The following SANBR variants were observed in gnomAD, a reference collection of about 807,000 sequenced individuals.
SANBR encodes the protein SANT and BTB domain regulator of CSR, also known as SANT and BTB domain regulator of class switch recombination.
A neutral mutation model predicts 101.8 loss-of-function variants in SANBR; 77 were observed. The observed-to-expected ratio is 0.76, with a 90% CI of 0.63 to 0.91. SANBR has a LOEUF of 0.91. Among genes scored for constraint, SANBR ranks in the 40% least tolerant of loss-of-function variants. The pLI, the probability that SANBR is intolerant of heterozygous loss-of-function variation, is 0.00. For missense variants in SANBR, 875 were observed against 853.0 expected (o/e 1.03, Z -0.32); for synonymous variants, 279 against 274.7 (o/e 1.02, Z -0.15).
chr2:61,081,261 T>C (rs1009055936), intron 6 of SANBR, among the ~76,000 whole-genome samples, 191 bp from the exon 7 acceptor site: 1 of 152,136 alleles, frequency 6.6e-6, no homozygotes, highest in Non-Finnish European at 1.5e-5. Flanking sequence ...AAATTTATTG[T>C]ACATTTTCTC....
rs1682560224 is a variant in SANBR at position 61,088,377 on chromosome 2, C to A, written c.997C>A (p.Leu333Ile). Residue 333 changes from leucine to isoleucine, a missense_variant, in exon 10 of 22, where the codon CTT (leucine) becomes ATT (isoleucine). Coordinates refer to ENST00000402291, the MANE Select transcript of SANBR (RefSeq NM_001129993.3). Reference sequence around the variant, plus strand: ...TTATAGATGCTGTTTGTGTAAGAAACTTTTAACAAAAGAAACAGAAAGAAG... The same window carrying A: ...TTATAGATGCTGTTTGTGTAAGAAAATTTTAACAAAAGAAACAGAAAGAAG... ...TLYRCCLCKK[L>I]LTKETERRIP... is the part of the protein sequence containing the mutation. The A allele has an allele frequency of 6.3e-7, 1 of 1,594,812 alleles. No homozygotes were observed. Among genetic ancestry groups the A allele is most frequent in the Non-Finnish European group, 8.5e-7 (1 of 1,172,160 alleles).
exon 21 of SANBR, chr2:61,134,224 C>T (rs1280060737): frequency 1.2e-6 from 2 of 1,602,894 alleles, no homozygotes; most frequent in South Asian, 2.2e-5. Flanking sequence ...GACAGTGTTG[C>T]TGTGTTAAAC....
Position 61,118,126 on chromosome 2 carries a change from G to A in SANBR, c.2028+10G>A, listed in dbSNP as rs368550014. The A allele has an allele frequency of 1.3e-6, 2 of 1,571,330 alleles. No homozygotes were observed. Among genetic ancestry groups the A allele is most frequent in the Non-Finnish European group, 1.7e-6 (2 of 1,143,190 alleles). The stretch of plus-strand genomic sequence containing the variant: ...AAAGGAAGCAAAAGAAGTAAGAATT[G>A]TGTACTAGTGTATTGTACTTGTGTA... On this transcript the variant is annotated intron_variant, in intron 20 of 21. Coordinates refer to ENST00000402291, the MANE Select transcript of SANBR (RefSeq NM_001129993.3).
At chr2:61,082,500 G>A (rs1251272446) in intron 7 of SANBR, among the ~76,000 whole-genome samples, 1 of 152,124 alleles carries the variant, frequency 6.6e-6, no homozygotes, top group African/African-American at 2.4e-5. Context: ...GGGAAAAGGA[G>A]GCTTAAAGTT....
chr2:61,067,010 G>A (rs992023819), intron 1 of SANBR, among the ~76,000 whole-genome samples: 1 of 152,014 alleles, frequency 6.6e-6, no homozygotes, highest in Non-Finnish European at 1.5e-5. Context: ...GCTTTTTCTT[G>A]TCACCGTTTT....
chr2:61,108,388 T>C, intron 15 of SANBR, 39 bp downstream of exon 15: 1 of 1,391,388 alleles, frequency 7.2e-7, no homozygotes, highest in Non-Finnish European at 9.9e-7. Flanking sequence ...TGGATCTCTT[T>C]CTTCCTAAAT....
chr2:61,117,415 A>G (rs376859812), intron 18 of SANBR, 30 bp downstream of exon 18: 20 of 1,612,894 alleles, frequency 1.2e-5, no homozygotes, highest in Non-Finnish European at 1.7e-5. Flanking sequence ...CCAATCGGAT[A>G]TCCACTCTTA....
intron 20 of SANBR, among the ~76,000 whole-genome samples, chr2:61,132,405 C>T (rs769155921): frequency 2.0e-5 from 3 of 152,082 alleles, no homozygotes; most frequent in Non-Finnish European, 4.4e-5. Context: ...GGTCAGTAAG[C>T]GCATGAAAAG....
At chr2:61,135,469 T>A (rs1389034385) in intron 21 of SANBR, among the ~76,000 whole-genome samples, 1 of 152,370 alleles carries the variant, frequency 6.6e-6, no homozygotes, top group East Asian at 1.9e-4. Flanking sequence ...ACAGTGGCTC[T>A]GGATTTGGGC....
Position 61,109,278 on chromosome 2 carries a change from G to A in SANBR, c.1726G>A (p.Glu576Lys), listed in dbSNP as rs762632520. The A allele has an allele frequency of 6.4e-7, 1 of 1,564,212 alleles. No homozygotes were observed. The change falls in exon 16 of 22, where the codon GAA becomes AAA. Residue 576 changes from glutamate to lysine, a missense_variant. By Grantham distance (56) the Glu-to-Lys change is moderately conservative. Coordinates refer to ENST00000402291, the MANE Select transcript of SANBR (RefSeq NM_001129993.3). ...TGAAGATGAAGTTGGAGATGAAGAAGAAGTATCCAAGAAACAAAGTATTGG... is the reference window on the plus strand; with the variant it reads ...TGAAGATGAAGTTGGAGATGAAGAAAAAGTATCCAAGAAACAAAGTATTGG... ...VTEDEVGDEE[E>K]VSKKQRKKEK... is the part of the protein sequence containing the mutation.
At chr2:61,068,130 C>T (rs1191862805) in intron 1 of SANBR, among the ~76,000 whole-genome samples, 2 of 152,126 alleles carry the variant, frequency 1.3e-5, no homozygotes, top group Non-Finnish European at 2.9e-5. Flanking sequence ...AATCATAATC[C>T]AGCGAGTTAA....
intron 20 of SANBR, among the ~76,000 whole-genome samples, chr2:61,131,302 A>G (rs1167808865): frequency 1.3e-5 from 2 of 152,210 alleles, no homozygotes; most frequent in Non-Finnish European, 2.9e-5. Flanking sequence ...AGGAAATTCT[A>G]TGAAATCACT....
chr2:61,118,340 C>T (rs1192666673), intron 20 of SANBR, among the ~76,000 whole-genome samples: 1 of 152,066 alleles, frequency 6.6e-6, no homozygotes, highest in Non-Finnish European at 1.5e-5. Context: ...CTCATGGGTT[C>T]AAGCAATTCT....
chr2:61,092,187 C>A (rs1170697441), intron 10 of SANBR, among the ~76,000 whole-genome samples: 2 of 152,190 alleles, frequency 1.3e-5, no homozygotes, highest in African/African-American at 4.8e-5. Context: ...ATACCTTTTC[C>A]TGTTGTCCAC....
Position 61,088,650 on chromosome 2 carries a change from AG to A in SANBR, c.1088+183del, listed in dbSNP as rs565443346. 93 of 390,314 alleles carry A rather than the reference AG, an allele frequency of 2.4e-4. No individual in the cohort carries two copies. The East Asian group carries it at 4.7e-3, about 20-fold the overall frequency. The allele number at this position is 390,314 out of a possible 1,614,324, so 24.2% of individuals were successfully genotyped here. A position where few individuals can be genotyped will look rare whatever the true frequency, so the allele number is the denominator to read the frequency against. Reference sequence around the variant, plus strand: ...ATTCTCCTGCCTCAGCTTCCTGAGAAGCTGGGACTACAGGCGTGTGCCACCA... The same window carrying A: ...ATTCTCCTGCCTCAGCTTCCTGAGAACTGGGACTACAGGCGTGTGCCACCA... On this transcript the variant is annotated intron_variant, in intron 10 of 21. Coordinates refer to ENST00000402291, the MANE Select transcript of SANBR (RefSeq NM_001129993.3).
At chr2:61,083,607 C>T (rs1381384180) in intron 8 of SANBR, among the ~76,000 whole-genome samples, 1 of 151,790 alleles carries the variant, frequency 6.6e-6, no homozygotes, top group African/African-American at 2.4e-5. Flanking sequence ...CAGTGGCTCA[C>T]GCTTGTAATC....
intron 3 of SANBR, among the ~76,000 whole-genome samples, chr2:61,071,206 A>G (rs1191449136): frequency 1.3e-5 from 2 of 152,208 alleles, no homozygotes; most frequent in Admixed American, 1.3e-4. Flanking sequence ...ATTGTTGAAA[A>G]ATATCTTCAA....
At chr2:61,118,231 GT>G (rs1684169801) in intron 20 of SANBR, 115 bp downstream of exon 20, 1 of 651,854 alleles carries the variant, frequency 1.5e-6, no homozygotes, top group African/African-American at 1.9e-5. Flanking sequence ...TAATTTATGT[GT>G]TTGTTTGTTT....
rs919139672 is a variant in SANBR at position 61,071,798 on chromosome 2, G to C, written c.337+6G>C. On this transcript the variant is annotated splice_donor_region_variant and intron_variant, in intron 4 of 21. Coordinates refer to ENST00000402291, the MANE Select transcript of SANBR (RefSeq NM_001129993.3). ...TGATGCAGTTTCCAAAACTGGTAAG[G>C]TTTTAAACTAAAATGTAGTACTTGC... 1 of 1,570,414 alleles carries C rather than the reference G, an allele frequency of 6.4e-7. No individual in the cohort carries two copies. The highest frequency in any genetic ancestry group is 1.9e-5 in the Admixed American group (1 of 52,362).
Sources: allele counts gnomAD v4.1 joint callset (sites outside exome capture counted in the v4.1 genomes callset), GRCh38; gene constraint gnomAD v4.1.1; transcripts MANE v1.5; gene names NCBI Gene and HGNC (gene_info 2026-07-23, HGNC 2026-07-21).